The following UBQLN1 variants were observed in gnomAD, a reference collection of about 807,000 sequenced individuals.
UBQLN1 encodes ubiquilin 1, also known as ubiquilin-1.
A neutral mutation model predicts 65.4 loss-of-function variants in UBQLN1; 13 were observed. That is an observed-to-expected ratio of 0.20 (90% confidence interval 0.13 to 0.32). The LOEUF is 0.32. Ranked by LOEUF, UBQLN1 falls within the 10% of genes least tolerant of loss-of-function variation. The pLI, the probability that UBQLN1 is intolerant of heterozygous loss-of-function variation, is 1.00. For missense variants in UBQLN1, 561 were observed against 724.0 expected, an observed-to-expected ratio of 0.77 and a Z score of 2.58; for synonymous variants, 267 against 247.8, an observed-to-expected ratio of 1.08 and a Z score of -0.73.
At chr9:83,697,655 A>C (rs561542680) in intron 1 of UBQLN1, among the ~76,000 whole-genome samples, 3 of 150,732 alleles carry the variant, frequency 2.0e-5, no homozygotes, top group Non-Finnish European at 4.4e-5. Flanking sequence ...TCGCAGATTC[A>C]AGAGATTCTT....
Position 83,707,847 on chromosome 9 carries a change from A to G in UBQLN1, c.-168T>C, listed in dbSNP as rs980817399. 4.0e-6 allele frequency: 4 copies of G among 1,010,538 alleles called. No homozygotes were observed. Among genetic ancestry groups the G allele is most frequent in the Non-Finnish European group, 5.5e-6 (4 of 733,916 alleles). 62.6% of individuals were successfully genotyped at this position (1,010,538 alleles called of 1,614,324 possible). A position where few individuals can be genotyped will look rare whatever the true frequency, so the allele number is the denominator to read the frequency against. On this transcript the variant is annotated 5_prime_UTR_variant, in exon 1 of 11. Coordinates refer to ENST00000376395, the MANE Select transcript of UBQLN1 (RefSeq NM_013438.5). ...CACCGTAGCGGGTGTGGGGCCCCGG[A>G]GCTCGGTGCAGGCTCTGGCGCAGGC...
At chr9:83,684,769 C>T (rs1216327547) in intron 2 of UBQLN1, among the ~76,000 whole-genome samples, 2 of 148,850 alleles carry the variant, frequency 1.3e-5, no homozygotes, top group Admixed American at 6.7e-5. Flanking sequence ...GAGATCGCAC[C>T]GTTGCACTCC....
At position 83,679,956 on chromosome 9, in the gene UBQLN1, C is replaced by T. The variant is rs773622198; in HGVS notation, c.530G>A (p.Arg177Gln). ...CATTTCAGGGTTAGACAAAAGTTGT[C>T]GCTGCATCTGACTCTGTAGTTCAGA... ...NFSELQSQMQ[R>Q]QLLSNPEMMV... is the part of the protein sequence containing the mutation. The change falls in exon 4 of 11, where the codon CGA becomes CAA. Residue 177 changes from arginine (R) to glutamine (Q), a missense_variant. By Grantham distance (43) the Arg-to-Gln change is conservative (BLOSUM62 1). This residue lies in a region of UBQLN1 where 87 missense variants were observed against 88.8 expected (regional missense o/e 0.98). Transcript: ENST00000376395. 13 of 1,613,970 alleles carry T rather than the reference C, an allele frequency of 8.1e-6. No individual in the cohort carries two copies. The highest frequency in any genetic ancestry group is 1.6e-4 in the Middle Eastern group (1 of 6,084).
intron 6 of UBQLN1, among the ~76,000 whole-genome samples, chr9:83,674,639 G>A (rs1162011331): frequency 6.6e-6 from 1 of 152,138 alleles, no homozygotes; most frequent in Non-Finnish European, 1.5e-5. Context: ...GCTCTCAGGA[G>A]GAACAGTTTT....
At position 83,666,410 on chromosome 9, in the gene UBQLN1, A is replaced by G; in HGVS notation, c.1272T>C (p.Phe424=). The G allele has an allele frequency of 1.2e-6, 2 of 1,613,926 alleles. No homozygotes were observed. Among genetic ancestry groups the G allele is most frequent in the South Asian group, 2.2e-5 (2 of 91,076 alleles). ...AAQMMLNNPL[F]AGNPQLQEQM... is the part of the protein sequence containing the mutation. ...GTTCTTGAAGCTGAGGATTTCCAGC[A>G]AATAGGGGATTATTCAGCATCATCT... Residue 424 remains phenylalanine (F), a synonymous_variant, in exon 8 of 11, where the codon TTT becomes TTC. Coordinates refer to ENST00000376395, the MANE Select transcript of UBQLN1 (RefSeq NM_013438.5).
chr9:83,684,285 C>T (rs1381550895), intron 2 of UBQLN1, among the ~76,000 whole-genome samples: 1 of 151,846 alleles, frequency 6.6e-6, no homozygotes, highest in Non-Finnish European at 1.5e-5. Context: ...ACCTCCACCT[C>T]CCAGGTTCAA....
intron 1 of UBQLN1, among the ~76,000 whole-genome samples, chr9:83,702,725 CAT>C (rs1832332132): frequency 1.3e-5 from 2 of 152,124 alleles, no homozygotes; most frequent in African/African-American, 4.8e-5. Context: ...TACTTAACCA[CAT>C]GTGGGTGATG....
At chr9:83,682,859 T>G in intron 3 of UBQLN1, 92 bp downstream of exon 3, 1 of 565,394 alleles carries the variant, frequency 1.8e-6, no homozygotes, top group Non-Finnish European at 3.0e-6. Flanking sequence ...TAAAGTGACA[T>G]AATGTTTTAT....
At chr9:83,674,543 A>G (rs1389873890) in intron 6 of UBQLN1, among the ~76,000 whole-genome samples, 4 of 152,254 alleles carry the variant, frequency 2.6e-5, no homozygotes, top group Admixed American at 6.5e-5. Flanking sequence ...GCCAAGTACT[A>G]GTGATGACTA....
Position 83,678,480 on chromosome 9 carries a change from T to C in UBQLN1, c.831A>G (p.Thr277=). 4 of 1,613,942 alleles carry C rather than the reference T, an allele frequency of 2.5e-6. No individual in the cohort carries two copies. The highest frequency in any genetic ancestry group is 3.4e-6 in the Non-Finnish European group (4 of 1,179,908). Residue 277 remains threonine (T), a synonymous_variant, in exon 5 of 11, where the codon ACA becomes ACG. Transcript: ENST00000376395. Reference sequence around the variant, plus strand: ...CACTCAGCATTGGTTCCTGAATATCTGTGTACATGCGCCTTAAAGCATTAT... The same window carrying C: ...CACTCAGCATTGGTTCCTGAATATCCGTGTACATGCGCCTTAAAGCATTAT... ...GGYNALRRMY[T]DIQEPMLSAA...
At chr9:83,699,000 A>T (rs1383265624) in intron 1 of UBQLN1, among the ~76,000 whole-genome samples, 1 of 152,222 alleles carries the variant, frequency 6.6e-6, no homozygotes, top group Non-Finnish European at 1.5e-5. Context: ...AGTTAATCAC[A>T]AAAGGCCAAA....
intron 5 of UBQLN1, 35 bp from the exon 6 acceptor site, chr9:83,677,996 A>C: frequency 6.9e-7 from 1 of 1,449,078 alleles, no homozygotes; most frequent in Non-Finnish European, 9.4e-7. Flanking sequence ...ACAAAGAATA[A>C]GCTTTTGTTT....
intron 3 of UBQLN1, among the ~76,000 whole-genome samples, chr9:83,681,704 C>T (rs181265367): frequency 1.3e-5 from 2 of 152,332 alleles, no homozygotes; most frequent in African/African-American, 4.8e-5. Context: ...GCAGTGCTCA[C>T]CAAACATTTC....
At chr9:83,673,575 A>C (rs1181550736) in intron 6 of UBQLN1, among the ~76,000 whole-genome samples, 1 of 81,050 alleles carries the variant, frequency 1.2e-5, no homozygotes, top group Non-Finnish European at 2.4e-5. Flanking sequence ...AAACAAAAAA[A>C]AAAAACTGCG....
chr9:83,667,601 T>C (rs896282226), intron 7 of UBQLN1: 3 of 985,336 alleles, frequency 3.0e-6, no homozygotes, highest in Non-Finnish European at 3.6e-6. Context: ...TGCTTCTTTA[T>C]TGGTTCCAAA....
chr9:83,688,653 G>GAGAT (rs1832078420), intron 1 of UBQLN1, among the ~76,000 whole-genome samples: 1 of 151,708 alleles, frequency 6.6e-6, no homozygotes, highest in African/African-American at 2.4e-5. Context: ...GACAGGTCAG[G>GAGAT]AGATAGAGAA....
intron 9 of UBQLN1, among the ~76,000 whole-genome samples, 189 bp from the exon 10 acceptor site, chr9:83,664,232 T>C (rs1056937795): frequency 2.0e-5 from 3 of 152,062 alleles, no homozygotes; most frequent in Non-Finnish European, 4.4e-5. Context: ...TTAGGCAACA[T>C]TGTTGAGACT....
rs2131197796 is a variant in UBQLN1 at position 83,707,517 on chromosome 9, T to A, written c.163A>T (p.Asn55Tyr). The change falls in exon 1 of 11, where the codon AAT becomes TAT. Residue 55 changes from asparagine to tyrosine, a missense_variant. By Grantham distance (143) the Asn-to-Tyr change is moderately radical (BLOSUM62 -2). Transcript: ENST00000376395. ...GGCCTCACCTGCTGGACGGAGCTAT[T>A]CTCGGGCACGGCGAATTCCTCCTTT... Reference protein sequence around the residue: ...KEKEEFAVPENSSVQQFKEEI... With the variant: ...KEKEEFAVPEYSSVQQFKEEI... 6.2e-7 allele frequency: 1 copy of A among 1,610,570 alleles called. No individual in the cohort carries two copies. Among genetic ancestry groups the A allele is most frequent in the South Asian group, 1.1e-5 (1 of 90,886 alleles).
chr9:83,691,127 C>T (rs1832120991), intron 1 of UBQLN1, among the ~76,000 whole-genome samples: 1 of 151,510 alleles, frequency 6.6e-6, no homozygotes. Context: ...GACAGAGAGG[C>T]ACTCGTCTCA....
Sources: gnomAD v4.1 joint callset for allele counts (sites outside exome capture counted in the v4.1 genomes callset) on GRCh38, gnomAD v4.1.1 for gene constraint, gnomAD v4.1.1 regional missense constraint, MANE v1.5 for transcripts, NCBI Gene and HGNC (gene_info 2026-07-23, HGNC 2026-07-21) for gene names.